CD79B: variants seen among roughly 807,000 people sequenced by gnomAD.
The protein encoded by CD79B is CD79b molecule.
Under a neutral mutation model 30.0 loss-of-function variants are expected in CD79B, and 7 were observed. The ratio of observed to expected loss-of-function variants is 0.23; its 90% CI spans 0.13 to 0.44. The LOEUF is 0.44. Ranked by LOEUF, CD79B falls within the 20% of genes least tolerant of loss-of-function variation. The pLI is 1.00. For synonymous variants in CD79B, 118 were observed against 119.2 expected (o/e 0.99, Z 0.07); for missense variants, 218 against 299.1 (o/e 0.73, Z 2.00).
chr17:63,932,167 C>A, intron 1 of CD79B, 28 bp downstream of exon 1: 1 of 1,606,098 alleles, frequency 6.2e-7, no homozygotes, highest in South Asian at 1.1e-5. Flanking sequence ...GAGAGCAAAC[C>A]CCACAGGCCT....
At chr17:63,931,758 TA>T (rs1455482688) in intron 1 of CD79B, 74 of 302,940 alleles carry the variant, frequency 2.4e-4, no homozygotes, top group East Asian at 4.7e-4. Flanking sequence ...TTTTTTTTTT[TA>T]AAGAGAGACA....
chr17:63,931,042 T>G, intron 2 of CD79B: 1 of 469,426 alleles, frequency 2.1e-6, no homozygotes. Context: ...GATTCCCAGC[T>G]AGACAGGCCC....
At chr17:63,931,187 T>G in intron 2 of CD79B, 148 bp downstream of exon 2, 1 of 777,372 alleles carries the variant, frequency 1.3e-6, no homozygotes, top group Non-Finnish European at 2.3e-6. Context: ...TCAGAGGAGA[T>G]CCTAAGGAGG....
intron 3 of CD79B, 32 bp downstream of exon 3, chr17:63,930,042 C>T: frequency 6.2e-7 from 1 of 1,610,102 alleles, no homozygotes; most frequent in Non-Finnish European, 8.5e-7. Context: ...GGGCGGACAG[C>T]TACAGGAGCG....
At chr17:63,930,455 C>A in intron 2 of CD79B, 70 bp from the exon 3 acceptor site, 1 of 1,417,386 alleles carries the variant, frequency 7.1e-7, no homozygotes, top group Non-Finnish European at 9.8e-7. Flanking sequence ...AGCAGCAGGC[C>A]CCTGCCCTGG....
chr17:63,929,827 G>C lies in CD79B; in HGVS notation c.492C>G (p.Ile164Met). ...TGAAGAGGATGATCAGCAGCGTCTG[G>C]ATCATGATGATACCATCCTTCAGCG... ...RNTLKDGIIM[I>M]QTLLIILFII... The change falls in exon 4 of 6, where the codon ATC becomes ATG. Residue 164 changes from isoleucine to methionine, a missense_variant. Coordinates refer to ENST00000006750, the MANE Select transcript of CD79B (RefSeq NM_000626.4). 1 of 1,613,638 alleles carries C rather than the reference G, an allele frequency of 6.2e-7. No individual in the cohort carries two copies.
Position 63,931,181 on chromosome 17 carries a change from A to G in CD79B, c.118+154T>C, listed in dbSNP as rs1908098930. The G allele has an allele frequency of 4.0e-6, 3 of 753,106 alleles. No homozygotes were observed. In the East Asian group the frequency reaches 7.9e-5, roughly 20 times the overall value. The allele number at this position is 753,106 out of a possible 1,614,324, so 46.7% of individuals were successfully genotyped here. On this transcript the variant is annotated intron_variant, in intron 2 of 5. Transcript: ENST00000006750. ...ACAGTGGGCTGGGGGTGGGGCTCAG[A>G]GGAGATCCTAAGGAGGCCTGGGGAT...
chr17:63,931,043 A>C, intron 2 of CD79B: 4 of 459,916 alleles, frequency 8.7e-6, no homozygotes, highest in African/African-American at 2.0e-5. Context: ...ATTCCCAGCT[A>C]GACAGGCCCG....
Position 63,930,088 on chromosome 17 carries a change from T to C in CD79B, c.416A>G (p.Glu139Gly). Residue 139 changes from glutamate (E) to glycine (G), a missense_variant, in exon 3 of 6, where the codon GAG (glutamate) becomes GGG (glycine). Physicochemically the swap from Glu to Gly is moderately conservative, Grantham distance 98 (BLOSUM62 -2). Transcript: ENST00000006750. ...CTGGCACACACCCATGACTCGCAGC[T>C]CTGTGCCGCAGCCCTGGTAGACCTC... ...TSEVYQGCGT[E>G]LRVMGFSTLA... is the part of the protein sequence containing the mutation. The C allele has an allele frequency of 6.2e-7, 1 of 1,614,030 alleles. No individual in the cohort carries two copies. Among genetic ancestry groups the C allele is most frequent in the East Asian group, 2.2e-5 (1 of 44,872 alleles).
At chr17:63,931,444 C>T in intron 1 of CD79B, 59 bp from the exon 2 acceptor site, 1 of 1,533,638 alleles carries the variant, frequency 6.5e-7, no homozygotes. Context: ...CTGGGCTGCC[C>T]CACCCCTGCA....
rs1443020743 is a variant in CD79B at position 63,929,902 on chromosome 17, G to A, written c.431-14C>T. The A allele has an allele frequency of 3.1e-6, 5 of 1,600,070 alleles. No homozygotes were observed. Among genetic ancestry groups the A allele is most frequent in the Non-Finnish European group, 4.3e-6 (5 of 1,167,574 alleles). On this transcript the variant is annotated splice_polypyrimidine_tract_variant and intron_variant, in intron 3 of 5. Transcript: ENST00000006750. ...AGGTGCTGAATCCTGCGGGGACAGGGGTGGGGTTGTGAGCCTGGGCCACAG... is the reference window on the plus strand; with the variant it reads ...AGGTGCTGAATCCTGCGGGGACAGGAGTGGGGTTGTGAGCCTGGGCCACAG...
chr17:63,929,921 G>A lies in CD79B; in HGVS notation c.431-33C>T, dbSNP rs574678861. On this transcript the variant is annotated intron_variant, in intron 3 of 5. Coordinates refer to ENST00000006750, the MANE Select transcript of CD79B (RefSeq NM_000626.4). ...GACAGGGGTGGGGTTGTGAGCCTGGGCCACAGTCCACCTTTTAGGCCTACA... is the reference window on the plus strand; with the variant it reads ...GACAGGGGTGGGGTTGTGAGCCTGGACCACAGTCCACCTTTTAGGCCTACA... 6.4e-6 allele frequency: 10 copies of A among 1,568,300 alleles called. No homozygotes were observed. The South Asian group carries it at 1.0e-4, about 16-fold the overall frequency.
At chr17:63,931,454 A>C in intron 1 of CD79B, 69 bp from the exon 2 acceptor site, 1 of 1,435,768 alleles carries the variant, frequency 7.0e-7, no homozygotes, top group Non-Finnish European at 9.8e-7. Context: ...CCACCCCTGC[A>C]TGCCCTCTAT....
In CD79B at chr17:63,929,808, G is replaced by A; in HGVS notation, c.511C>T (p.Leu171Phe). 1 of 1,612,616 alleles carries A rather than the reference G, an allele frequency of 6.2e-7. No individual in the cohort carries two copies. Among genetic ancestry groups the A allele is most frequent in the Non-Finnish European group, 8.5e-7 (1 of 1,179,426 alleles). Residue 171 changes from leucine (L) to phenylalanine (F), a missense_variant, in exon 4 of 6, where the codon CTC (leucine) becomes TTC (phenylalanine). Physicochemically the swap from Leu to Phe is conservative, Grantham distance 22 (BLOSUM62 0). Transcript: ENST00000006750. The part of the protein sequence containing the change: ...IIMIQTLLII[L>F]FIIVPIFLLL... Reference sequence around the variant, plus strand: ...AGGAAGATAGGCACGATGATGAAGAGGATGATCAGCAGCGTCTGGATCATG... The same window carrying A: ...AGGAAGATAGGCACGATGATGAAGAAGATGATCAGCAGCGTCTGGATCATG...
At chr17:63,931,478 C>A (rs1278852088) in intron 1 of CD79B, 93 bp from the exon 2 acceptor site, 8 of 1,227,430 alleles carry the variant, frequency 6.5e-6, no homozygotes, top group Non-Finnish European at 9.5e-6. Flanking sequence ...CCCGGAGCTA[C>A]TTCCTCCTTC....
rs1286736249 is a variant in CD79B, at chr17:63,930,382, C to G, written c.122G>C (p.Ser41Thr). ...SEDRYRNPKG[S>T]ACSRIWQSPR... ...GCTCTGCCAGATCCGCGAACAAGCA[C>G]TACCTGTGGGTGCCAAGGCCAGGCT... Residue 41 changes from serine (S) to threonine (T), a missense_variant, in exon 3 of 6, where the codon AGT becomes ACT. Coordinates refer to ENST00000006750, the MANE Select transcript of CD79B (RefSeq NM_000626.4). The G allele has an allele frequency of 6.2e-7, 1 of 1,613,586 alleles. No individual in the cohort carries two copies. The highest frequency in any genetic ancestry group is 8.5e-7 in the Non-Finnish European group (1 of 1,179,954).
chr17:63,929,012 A>C lies in CD79B; in HGVS notation c.*214T>G. 1 of 604,086 alleles carries C rather than the reference A, an allele frequency of 1.7e-6. No individual in the cohort carries two copies. Among genetic ancestry groups the C allele is most frequent in the Non-Finnish European group, 3.0e-6 (1 of 337,780 alleles). The allele number at this position is 604,086 out of a possible 1,614,324, so 37.4% of individuals were successfully genotyped here. On this transcript the variant is annotated 3_prime_UTR_variant, in exon 6 of 6. Coordinates refer to ENST00000006750, the MANE Select transcript of CD79B (RefSeq NM_000626.4). ...GGCTGGGTCCCGTCCATCCCCAGAGAACTCCCTCCAAGTTGCTGCCCTGTT... is the reference window on the plus strand; with the variant it reads ...GGCTGGGTCCCGTCCATCCCCAGAGCACTCCCTCCAAGTTGCTGCCCTGTT...
At chr17:63,929,915 G>T in intron 3 of CD79B, 27 bp from the exon 4 acceptor site, 1 of 1,579,608 alleles carries the variant, frequency 6.3e-7, no homozygotes, top group Non-Finnish European at 8.7e-7. Flanking sequence ...GGGGTTGTGA[G>T]CCTGGGCCAC....
At position 63,929,190 on chromosome 17, in the gene CD79B, G is replaced by T; in HGVS notation, c.*36C>A. On this transcript the variant is annotated 3_prime_UTR_variant, in exon 6 of 6. Transcript: ENST00000006750. ...AGCTCCGAAGCAGTCACTGAGGCCA[G>T]GGAGCCTGCACCCAGGTCATGGGGC... The T allele has an allele frequency of 7.2e-7, 1 of 1,387,414 alleles. No individual in the cohort carries two copies. The highest frequency in any genetic ancestry group is 1.2e-5 in the South Asian group (1 of 86,678). 85.9% of individuals were successfully genotyped at this position (1,387,414 alleles called of 1,614,324 possible). A position where few individuals can be genotyped will look rare whatever the true frequency, so the allele number is the denominator to read the frequency against.
Sources: gnomAD v4.1 joint callset for allele counts on GRCh38, gnomAD v4.1.1 for gene constraint, MANE v1.5 for transcripts, NCBI Gene and HGNC (gene_info 2026-07-23, HGNC 2026-07-21) for gene names.